The following ESCO1 variants were observed in gnomAD, a reference collection of about 807,000 sequenced individuals.
ESCO1 encodes the protein establishment of sister chromatid cohesion N-acetyltransferase 1.
A neutral mutation model predicts 83.5 loss-of-function variants in ESCO1; 33 were observed. The observed-to-expected ratio is 0.40, with a 90% CI of 0.30 to 0.53. The LOEUF (loss-of-function observed/expected upper bound fraction) is 0.53. Ranked by LOEUF, ESCO1 falls within the 20% of genes least tolerant of loss-of-function variation. The pLI, the probability that ESCO1 is intolerant of heterozygous loss-of-function variation, is 0.63. For synonymous variants in ESCO1, 332 were observed against 324.3 expected, an observed-to-expected ratio of 1.02 and a Z score of -0.25; for missense variants, 855 against 968.0, an observed-to-expected ratio of 0.88 and a Z score of 1.55.
intron 1 of ESCO1, among the ~76,000 whole-genome samples, chr18:21,592,840 G>C (rs887231135): frequency 1.3e-5 from 2 of 150,938 alleles, no homozygotes; most frequent in East Asian, 2.0e-4. Context: ...CAGACGGGGC[G>C]GTTGCCGGGC....
Position 21,574,434 on chromosome 18 carries a change from C to T in ESCO1, c.410G>A (p.Arg137His), listed in dbSNP as rs139334005. 1.4e-4 allele frequency: 222 copies of T among 1,614,098 alleles called. 1 individual carries two copies. The African/African-American group carries it at 2.5e-3, about 18-fold the overall frequency. The change falls in exon 4 of 12, where the codon CGC becomes CAC. Residue 137 changes from arginine (R) to histidine (H), a missense_variant. Transcript: ENST00000269214. ...QLTEVSRRSL[R>H]SREIQGQVQA... is the part of the protein sequence containing the mutation. ...AACTTGACCCTGAATTTCTCTACTG[C>T]GTAACGACCTTCTTGAAACCTCTGT...
intron 8 of ESCO1, among the ~76,000 whole-genome samples, chr18:21,547,470 C>A (rs2037989051): frequency 1.3e-5 from 2 of 151,912 alleles, no homozygotes; most frequent in Admixed American, 6.6e-5. Context: ...TTCTACTATG[C>A]CACACTGACC....
intron 2 of ESCO1, among the ~76,000 whole-genome samples, chr18:21,577,361 T>TTAA (rs1555671991): frequency 5.1e-4 from 27 of 52,946 alleles, no homozygotes; most frequent in South Asian, 1.3e-3. Context: ...CCATCTTTTT[T>TTAA]AAAAAAAAAA....
chr18:21,563,841 T>C (rs915167562), intron 7 of ESCO1, among the ~76,000 whole-genome samples: 2 of 151,870 alleles, frequency 1.3e-5, no homozygotes, highest in Non-Finnish European at 2.9e-5. Context: ...CTTAGTGAGA[T>C]ATGTTTGCGT....
At chr18:21,578,674 G>A (rs543347166) in intron 2 of ESCO1, among the ~76,000 whole-genome samples, 8 of 152,016 alleles carry the variant, frequency 5.3e-5, no homozygotes, top group Admixed American at 5.3e-4. Context: ...GAGTAACAGA[G>A]CAAGATCTAC....
Position 21,550,846 on chromosome 18 carries a change from C to A in ESCO1, c.1953+10013G>T, listed in dbSNP as rs146854397. Among the ~76,000 whole-genome samples the A allele has an allele frequency of 4.8e-3, 728 of 152,330 alleles. 3 individuals carry two copies. The highest frequency in any genetic ancestry group is 0.016 in the African/African-American group (677 of 41,584). On this transcript the variant is annotated intron_variant, in intron 8 of 11. Coordinates refer to ENST00000269214, the MANE Select transcript of ESCO1 (RefSeq NM_052911.3). ...AGCACGTGTTGGCCGGGCGTGGTGG[C>A]TCACGCCTGTAATCCCAGTACTTTC...
intron 7 of ESCO1, among the ~76,000 whole-genome samples, chr18:21,561,458 C>T (rs1370328182): frequency 1.3e-5 from 2 of 152,062 alleles, no homozygotes; most frequent in African/African-American, 4.8e-5. Flanking sequence ...GACAAGGTCC[C>T]GCTCTGTCAC....
At chr18:21,534,105 T>C (rs2037801805) in intron 10 of ESCO1, among the ~76,000 whole-genome samples, 1 of 152,146 alleles carries the variant, frequency 6.6e-6, no homozygotes, top group Non-Finnish European at 1.5e-5. Context: ...GCTTAACATA[T>C]ATAGAGAAAC....
chr18:21,545,780 A>T (rs1359474962), intron 8 of ESCO1, among the ~76,000 whole-genome samples: 2 of 151,528 alleles, frequency 1.3e-5, no homozygotes, highest in African/African-American at 4.9e-5. Flanking sequence ...AATACAAAAA[A>T]TTAGCTGAGC....
At chr18:21,545,204 G>C (rs1281032942) in intron 8 of ESCO1, among the ~76,000 whole-genome samples, 1 of 151,976 alleles carries the variant, frequency 6.6e-6, no homozygotes, top group Non-Finnish European at 1.5e-5. Flanking sequence ...TTAAGAATTG[G>C]GATTACAGAT....
At position 21,575,366 on chromosome 18, in the gene ESCO1, T is replaced by C; in HGVS notation, c.-523A>G. ...TGCTGAGTCTGTTGGTTTGCAGTTCTTATCTAACCTCCTTTGTTCAACAAA... is the reference window on the plus strand; with the variant it reads ...TGCTGAGTCTGTTGGTTTGCAGTTCCTATCTAACCTCCTTTGTTCAACAAA... On this transcript the variant is annotated 5_prime_UTR_variant, in exon 4 of 12. Transcript: ENST00000269214. 2.5e-6 allele frequency: 1 copy of C among 398,034 alleles called. No individual in the cohort carries two copies. Among genetic ancestry groups the C allele is most frequent in the East Asian group, 3.6e-5 (1 of 27,972 alleles). 24.7% of individuals were successfully genotyped at this position (398,034 alleles called of 1,614,324 possible). A position where few individuals can be genotyped will look rare whatever the true frequency, so the allele number is the denominator to read the frequency against.
At chr18:21,532,739 A>G in intron 10 of ESCO1, 79 bp from the exon 11 acceptor site, 2 of 1,388,710 alleles carry the variant, frequency 1.4e-6, no homozygotes, top group Non-Finnish European at 2.0e-6. Context: ...TGAGGCGGTT[A>G]TGACATTTGA....
intron 8 of ESCO1, among the ~76,000 whole-genome samples, chr18:21,551,170 T>C (rs954783606): frequency 7.1e-6 from 1 of 141,550 alleles, no homozygotes; most frequent in Non-Finnish European, 1.5e-5. Flanking sequence ...ACTGAAAATG[T>C]ATAGAAACAC....
chr18:21,557,631 G>C (rs1435436033), intron 8 of ESCO1, among the ~76,000 whole-genome samples: 1 of 152,188 alleles, frequency 6.6e-6, no homozygotes, highest in Non-Finnish European at 1.5e-5. Flanking sequence ...CATTCACTCA[G>C]ATGTGAATTA....
rs145396537 is a variant in ESCO1, at chr18:21,600,096, C to T, written c.-825+527G>A. ...AAAACCAAGACCCCACATCGCGCCCCGCAAACTGCAGAGGCCTCCAGGCTC... is the reference window on the plus strand; with the variant it reads ...AAAACCAAGACCCCACATCGCGCCCTGCAAACTGCAGAGGCCTCCAGGCTC... On this transcript the variant is annotated intron_variant, in intron 1 of 11. Transcript: ENST00000269214. Among the ~76,000 whole-genome samples the T allele has an allele frequency of 1.1e-3, 163 of 152,346 alleles. 2 individuals carry two copies. In the East Asian group the frequency reaches 0.03, roughly 28 times the overall value.
At position 21,529,803 on chromosome 18, in the gene ESCO1, AG is replaced by A. The variant is rs1026758666; in HGVS notation, c.*539del. On this transcript the variant is annotated 3_prime_UTR_variant, in exon 12 of 12. Coordinates refer to ENST00000269214, the MANE Select transcript of ESCO1 (RefSeq NM_052911.3). Reference sequence around the variant, plus strand: ...TTTAGCTGGAGCTTTCCTTTTCTATAGGGGTTTCTTCAAAGTATAGTTCAGG... The same window carrying A: ...TTTAGCTGGAGCTTTCCTTTTCTATAGGGTTTCTTCAAAGTATAGTTCAGG... 2 of 152,434 alleles carry A rather than the reference AG, an allele frequency of 1.3e-5. No homozygotes were observed. Among genetic ancestry groups the A allele is most frequent in the African/African-American group, 4.8e-5 (2 of 41,454 alleles). 9.4% of individuals were successfully genotyped at this position (152,434 alleles called of 1,614,324 possible). A position where few individuals can be genotyped will look rare whatever the true frequency, so the allele number is the denominator to read the frequency against.
chr18:21,533,205 C>G (rs1030145356), intron 10 of ESCO1, among the ~76,000 whole-genome samples: 4 of 152,064 alleles, frequency 2.6e-5, no homozygotes, highest in Non-Finnish European at 4.4e-5. Context: ...AAACATATAT[C>G]TCTTTTATGG....
intron 4 of ESCO1, among the ~76,000 whole-genome samples, 166 bp from the exon 5 acceptor site, chr18:21,568,260 T>C (rs1235913433): frequency 2.0e-5 from 3 of 152,106 alleles, no homozygotes; most frequent in Non-Finnish European, 4.4e-5. Context: ...CCTCTCACCA[T>C]CAGGGCCCAT....
intron 11 of ESCO1, among the ~76,000 whole-genome samples, chr18:21,531,491 G>C (rs888782246): frequency 6.6e-6 from 1 of 151,702 alleles, no homozygotes; most frequent in South Asian, 2.1e-4. Context: ...ATTAAGACTT[G>C]TACACTGAAA....
Sources: allele counts gnomAD v4.1 joint callset (sites outside exome capture counted in the v4.1 genomes callset), GRCh38; gene constraint gnomAD v4.1.1; transcripts MANE v1.5; gene names NCBI Gene and HGNC (gene_info 2026-07-23, HGNC 2026-07-21).